Variants in AFDN observed in about 807,000 individuals in gnomAD.
AFDN encodes afadin.
AFDN carries 68 observed loss-of-function variants against 216.6 expected under a neutral mutation model. That is an observed-to-expected ratio of 0.31 (90% CI 0.26 to 0.38). AFDN has a LOEUF of 0.38. Ranked by LOEUF, AFDN falls within the 10% of genes least tolerant of loss-of-function variation. The pLI, the probability that AFDN is intolerant of heterozygous loss-of-function variation, is 1.00. For missense variants in AFDN, 2,136 were observed against 2,342.0 expected, an observed-to-expected ratio of 0.91 and a Z score of 1.82; for synonymous variants, 868 against 853.7, an observed-to-expected ratio of 1.02 and a Z score of -0.29.
At chr6:167,921,012 C>T (rs942316067) in intron 21 of AFDN, among the ~76,000 whole-genome samples, 2 of 152,154 alleles carry the variant, frequency 1.3e-5, no homozygotes, top group Admixed American at 6.5e-5. Flanking sequence ...TGAGGGTGGT[C>T]CCTGAGATCC....
intron 11 of AFDN, among the ~76,000 whole-genome samples, chr6:167,901,718 A>T (rs551975259): frequency 2.0e-5 from 3 of 152,110 alleles, no homozygotes; most frequent in African/African-American, 7.2e-5. Context: ...CCTCATTTAT[A>T]TGCCATTTGC....
chr6:167,898,656 T>C (rs1476370057), intron 11 of AFDN, among the ~76,000 whole-genome samples, 189 bp downstream of exon 11: 2 of 152,364 alleles, frequency 1.3e-5, no homozygotes, highest in East Asian at 3.9e-4. Context: ...CTTGACTTTG[T>C]CTTAAAATTG....
intron 6 of AFDN, among the ~76,000 whole-genome samples, chr6:167,882,319 A>G (rs1786221229): frequency 6.6e-6 from 1 of 152,132 alleles, no homozygotes; most frequent in African/African-American, 2.4e-5. Context: ...AAGAAGTAAA[A>G]CAGACAAGAT....
intron 21 of AFDN, among the ~76,000 whole-genome samples, chr6:167,920,614 C>T (rs763444789): frequency 2.6e-5 from 4 of 152,116 alleles, no homozygotes; most frequent in Non-Finnish European, 5.9e-5. Context: ...TTGCGGATGG[C>T]GCTCTCCTGC....
Position 167,943,173 on chromosome 6 carries a change from G to A in AFDN, c.3144G>A (p.Val1048=), listed in dbSNP as rs1794896370. The change falls in exon 24 of 34, where the codon GTG becomes GTA. Residue 1048 remains valine (V), a synonymous_variant. Transcript: ENST00000683244. The stretch of plus-strand genomic sequence containing the variant: ...TAGGAATCTATGTGAAGTCGGTTGT[G>A]AAAGGAGGTGCTGCAGATGTGGTCA... ...DKLGIYVKSV[V]KGGAADVDGR... 2 of 1,613,828 alleles carry A rather than the reference G, an allele frequency of 1.2e-6. No homozygotes were observed. The highest frequency in any genetic ancestry group is 1.7e-6 in the Non-Finnish European group (2 of 1,179,922).
At chr6:167,907,072 C>T in intron 12 of AFDN, 99 bp from the exon 13 acceptor site, 2 of 842,596 alleles carry the variant, frequency 2.4e-6, no homozygotes, top group South Asian at 3.3e-5. Context: ...GCCTGCCCTG[C>T]TTGGCAGCCC....
intron 20 of AFDN, 66 bp downstream of exon 20, chr6:167,917,298 A>C (rs1002119544): frequency 4.4e-6 from 6 of 1,371,256 alleles, no homozygotes; most frequent in Non-Finnish European, 5.7e-6. Flanking sequence ...TTTGGATGAA[A>C]AAACAAAAGG....
rs149588689 is a variant in AFDN, at chr6:167,854,131, G to A, written c.106-10420G>A. Among the ~76,000 whole-genome samples, 1,115 of 151,908 alleles carry A rather than the reference G, an allele frequency of 7.3e-3. 18 individuals carry two copies. Among genetic ancestry groups the A allele is most frequent in the African/African-American group, 0.026 (1,061 of 41,464 alleles). On this transcript the variant is annotated intron_variant, in intron 1 of 33. Transcript: ENST00000683244. Reference sequence around the variant, plus strand: ...CAAACCTTCAGATTTTTGCCAATTTGGGTGTTGAAAAATGGCATTTTACTA... The same window carrying A: ...CAAACCTTCAGATTTTTGCCAATTTAGGTGTTGAAAAATGGCATTTTACTA...
At position 167,965,862 on chromosome 6, in the gene AFDN, C is replaced by G. The variant is rs755078560; in HGVS notation, c.5074C>G (p.Arg1692Gly). 6.5e-7 allele frequency: 1 copy of G among 1,549,182 alleles called. No individual in the cohort carries two copies. The highest frequency in any genetic ancestry group is 1.2e-5 in the South Asian group (1 of 83,972). ...GGAGCCCGAGGCGCCCGGTCTGTGC[C>G]GCCCTCCGCTTCCCCGGGACTACGA... ...LLEPEAPGLC[R>G]PPLPRDYEPP... The change falls in exon 32 of 34, where the codon CGC becomes GGC. Residue 1692 changes from arginine (R) to glycine (G), a missense_variant. Around this residue, in one of 8 missense-constraint regions of AFDN, gnomAD observed 981 missense variants for 966.0 expected, o/e 1.02. Coordinates refer to ENST00000683244, the MANE Select transcript of AFDN (RefSeq NM_001386888.1).
At chr6:167,958,272 G>T (rs960358456) in intron 30 of AFDN, among the ~76,000 whole-genome samples, 2 of 152,156 alleles carry the variant, frequency 1.3e-5, no homozygotes, top group Non-Finnish European at 2.9e-5. Flanking sequence ...TATGCAAATA[G>T]TCCAAAAATA....
chr6:167,969,551 A>C (rs1562361819), intron 33 of AFDN, among the ~76,000 whole-genome samples: 1 of 152,196 alleles, frequency 6.6e-6, no homozygotes, highest in Non-Finnish European at 1.5e-5. Context: ...AAGTTTTTTG[A>C]GAGTTGACTA....
At chr6:167,840,758 T>TA (rs757320674) in intron 1 of AFDN, among the ~76,000 whole-genome samples, 126 of 152,312 alleles carry the variant, frequency 8.3e-4, no homozygotes, top group Admixed American at 1.6e-3. Flanking sequence ...ACCAAAGGTG[T>TA]AAATCATGGT....
chr6:167,896,861 T>C lies in AFDN; in HGVS notation c.1223-17T>C, dbSNP rs1243886688. ...TTAGACTTTGCAAATAGAGCTGTCT[T>C]CCTTCTCTTCTCACAGATGGTTCTG... is the stretch of plus-strand genomic sequence containing the variant. On this transcript the variant is annotated splice_polypyrimidine_tract_variant and intron_variant, in intron 9 of 33. Transcript: ENST00000683244. The C allele has an allele frequency of 6.5e-7, 1 of 1,537,222 alleles. No homozygotes were observed. The highest frequency in any genetic ancestry group is 9.0e-7 in the Non-Finnish European group (1 of 1,111,420).
intron 1 of AFDN, among the ~76,000 whole-genome samples, chr6:167,835,347 G>C (rs1176291773): frequency 6.6e-6 from 1 of 152,148 alleles, no homozygotes; most frequent in African/African-American, 2.4e-5. Context: ...AAATATCTAA[G>C]CCTAAATAAG....
chr6:167,859,436 C>T (rs182908322), intron 1 of AFDN, among the ~76,000 whole-genome samples: 2 of 152,212 alleles, frequency 1.3e-5, no homozygotes, highest in Middle Eastern at 3.4e-3. Context: ...GTGGACAGTC[C>T]GTCAGTTTCC....
intron 2 of AFDN, among the ~76,000 whole-genome samples, chr6:167,865,274 G>A (rs1019692621): frequency 6.6e-6 from 1 of 151,968 alleles, no homozygotes; most frequent in Non-Finnish European, 1.5e-5. Context: ...ATTAACATTA[G>A]AAATTTCTGA....
intron 8 of AFDN, among the ~76,000 whole-genome samples, chr6:167,891,962 T>C (rs890937493): frequency 6.6e-6 from 1 of 152,226 alleles, no homozygotes; most frequent in Non-Finnish European, 1.5e-5. Flanking sequence ...AATTACATTT[T>C]TTCTTCTTTG....
rs911512658 is a variant in AFDN, at chr6:167,902,232, T to C, written c.1581-85T>C. 18 of 953,732 alleles carry C rather than the reference T, an allele frequency of 1.9e-5. No individual in the cohort carries two copies. The Admixed American group carries it at 2.5e-4, about 13-fold the overall frequency. 59.1% of individuals were successfully genotyped at this position (953,732 alleles called of 1,614,324 possible). Reference sequence around the variant, plus strand: ...TAAAAATCTTTGACATTTGGTATTTTAGTTCTTCCTTGTGTATTAAGAAGA... The same window carrying C: ...TAAAAATCTTTGACATTTGGTATTTCAGTTCTTCCTTGTGTATTAAGAAGA... On this transcript the variant is annotated intron_variant, in intron 11 of 33. Coordinates refer to ENST00000683244, the MANE Select transcript of AFDN (RefSeq NM_001386888.1).
rs138362318 is a variant in AFDN, at chr6:167,911,477, G to C, written c.2025G>C (p.Glu675Asp). The change falls in exon 15 of 34, where the codon GAG (glutamate) becomes GAC (aspartate). Residue 675 changes from glutamate to aspartate, a missense_variant. Coordinates refer to ENST00000683244, the MANE Select transcript of AFDN (RefSeq NM_001386888.1). ...AVVNKMVSMM[E>D]GVIQEVDQVD... is the part of the protein sequence containing the mutation. ...TCAACAAGATGGTGAGCATGATGGA[G>C]GGTGTCATCCAGGTACGTTCCAGCC... 1.5e-4 allele frequency: 236 copies of C among 1,614,112 alleles called. No individual in the cohort carries two copies. The African/African-American group carries it at 2.9e-3, about 20-fold the overall frequency.
Sources: allele counts gnomAD v4.1 joint callset (sites outside exome capture counted in the v4.1 genomes callset), GRCh38; gene constraint gnomAD v4.1.1; regional missense constraint gnomAD v4.1.1; transcripts MANE v1.5; gene names NCBI Gene and HGNC (gene_info 2026-07-23, HGNC 2026-07-21).